Variants in SH3BGRL observed in about 807,000 individuals in gnomAD.
SH3BGRL encodes the protein SH3 domain binding glutamate rich protein like.
Under a neutral mutation model 9.8 loss-of-function variants are expected in SH3BGRL, and 7 were observed. That is an observed-to-expected ratio of 0.72 (90% CI 0.41 to 1.35). The LOEUF (loss-of-function observed/expected upper bound fraction) is 1.35. Among genes scored for constraint, SH3BGRL ranks in the 40% most tolerant of loss-of-function variants. The pLI, the probability that SH3BGRL is intolerant of heterozygous loss-of-function variation, is 0.01. For missense variants in SH3BGRL, 73 were observed against 84.4 expected (o/e 0.86, Z 0.53); for synonymous variants, 36 against 29.1 (o/e 1.24, Z -0.76).
chrX:81,210,601 T>A (rs2075560118), intron 1 of SH3BGRL, among the ~76,000 whole-genome samples: 1 of 111,274 alleles, frequency 9.0e-6, no homozygotes, highest in African/African-American at 3.3e-5. Context: ...GAAGAGAGGC[T>A]CAGAGAACTA....
At chrX:81,215,492 A>G (rs775339312) in intron 1 of SH3BGRL, among the ~76,000 whole-genome samples, 80 of 111,308 alleles carry the variant, frequency 7.2e-4, no homozygotes, top group African/African-American at 2.5e-3. Context: ...GCCAGGAATA[A>G]AGATTTTCTC....
At chrX:81,294,683 G>C (rs1270124226) in intron 3 of SH3BGRL, among the ~76,000 whole-genome samples, 2 of 111,122 alleles carry the variant, frequency 1.8e-5, no homozygotes, top group African/African-American at 6.6e-5. Context: ...GTGAGAAGAG[G>C]GCCACTGTCC....
intron 1 of SH3BGRL, 190 bp downstream of exon 1, chrX:81,202,435 A>G (rs1206192233): frequency 9.9e-7 from 1 of 1,011,561 alleles, no homozygotes; most frequent in African/African-American, 2.1e-5. Flanking sequence ...TTTTCCACAT[A>G]GAGTTCAGCT....
chrX:81,259,073 G>T (rs1197739465), intron 1 of SH3BGRL, among the ~76,000 whole-genome samples: 2 of 112,431 alleles, frequency 1.8e-5, no homozygotes, highest in East Asian at 5.6e-4. Context: ...TGATAGTTTG[G>T]AGTTTGTAGT....
intron 1 of SH3BGRL, among the ~76,000 whole-genome samples, chrX:81,208,688 G>T (rs747051199): frequency 1.3e-4 from 15 of 111,812 alleles, no homozygotes; most frequent in African/African-American, 4.6e-4. Flanking sequence ...CCAGACCAAG[G>T]TTAAACAAAA....
intron 1 of SH3BGRL, among the ~76,000 whole-genome samples, chrX:81,213,635 C>G (rs2075572433): frequency 1.8e-5 from 2 of 110,664 alleles, no homozygotes; most frequent in African/African-American, 6.6e-5. Context: ...ATTAATGGAC[C>G]CGTCAAAAGT....
At chrX:81,223,786 C>T (rs2075608306) in intron 1 of SH3BGRL, among the ~76,000 whole-genome samples, 1 of 111,494 alleles carries the variant, frequency 9.0e-6, no homozygotes, top group Admixed American at 9.5e-5. Flanking sequence ...CTACAGCCTC[C>T]AACTTCTGGG....
At chrX:81,288,414 C>T (rs2075844621) in intron 3 of SH3BGRL, among the ~76,000 whole-genome samples, 1 of 111,846 alleles carries the variant, frequency 8.9e-6, no homozygotes, top group Admixed American at 9.5e-5. Flanking sequence ...TGTTATTTAA[C>T]ATAGTACTGG....
intron 1 of SH3BGRL, among the ~76,000 whole-genome samples, chrX:81,215,017 G>A (rs942787765): frequency 9.0e-6 from 1 of 111,162 alleles, no homozygotes; most frequent in Admixed American, 9.6e-5. Context: ...AAATTGGTAG[G>A]CAGATCACTT....
intron 1 of SH3BGRL, among the ~76,000 whole-genome samples, chrX:81,203,447 A>G (rs1569355174): frequency 8.9e-6 from 1 of 112,015 alleles, no homozygotes; most frequent in African/African-American, 3.3e-5. Flanking sequence ...ATTTAATCTT[A>G]CATTTTTTGA....
At chrX:81,289,709 T>G (rs1422683727) in intron 3 of SH3BGRL, among the ~76,000 whole-genome samples, 1 of 110,512 alleles carries the variant, frequency 9.0e-6, no homozygotes, top group Non-Finnish European at 1.9e-5. Flanking sequence ...AATACAAAAA[T>G]TAGCCGGGAG....
intron 1 of SH3BGRL, among the ~76,000 whole-genome samples, chrX:81,203,430 T>A (rs2147661546): frequency 8.9e-6 from 1 of 112,265 alleles, no homozygotes; most frequent in East Asian, 2.8e-4. Flanking sequence ...TTTTGGAATA[T>A]CAGAAAATTT....
At chrX:81,271,220 C>G (rs929989350) in intron 1 of SH3BGRL, among the ~76,000 whole-genome samples, 5 of 112,077 alleles carry the variant, frequency 4.5e-5, no homozygotes, top group Admixed American at 1.9e-4. Flanking sequence ...AGGCAACACC[C>G]CACTCTGCTT....
At chrX:81,230,387 G>A (rs1400404048) in intron 1 of SH3BGRL, among the ~76,000 whole-genome samples, 1 of 112,057 alleles carries the variant, frequency 8.9e-6, no homozygotes, top group Non-Finnish European at 1.9e-5. Context: ...GAAGTAAGAG[G>A]ACAGAGTTTA....
chrX:81,214,048 C>T (rs1269192894), intron 1 of SH3BGRL, among the ~76,000 whole-genome samples: 1 of 111,985 alleles, frequency 8.9e-6, no homozygotes, highest in African/African-American at 3.2e-5. Flanking sequence ...GTTCACATTT[C>T]GGAGGAGGTG....
chrX:81,254,659 A>C (rs765440271), intron 1 of SH3BGRL, among the ~76,000 whole-genome samples: 5 of 111,531 alleles, frequency 4.5e-5, no homozygotes, highest in Non-Finnish European at 7.5e-5. Context: ...GATGATTACC[A>C]TGTGGACCCA....
At chrX:81,294,704 A>G (rs2075868859) in intron 3 of SH3BGRL, among the ~76,000 whole-genome samples, 1 of 111,344 alleles carries the variant, frequency 9.0e-6, no homozygotes. Context: ...TTCAGACCCC[A>G]GAATGGTAGA....
chrX:81,226,552 A>G (rs2075617767), intron 1 of SH3BGRL, among the ~76,000 whole-genome samples: 1 of 102,774 alleles, frequency 9.7e-6, no homozygotes, highest in South Asian at 4.1e-4. Flanking sequence ...ATATATATAT[A>G]ATTTTTGTTA....
chrX:81,232,590 A>C (rs1375903006), intron 1 of SH3BGRL, among the ~76,000 whole-genome samples: 1 of 109,964 alleles, frequency 9.1e-6, no homozygotes, highest in Non-Finnish European at 1.9e-5. Flanking sequence ...CTCCTTTCTC[A>C]TGCCTTCTCT....
Sources: allele counts gnomAD v4.1 joint callset (sites outside exome capture counted in the v4.1 genomes callset), GRCh38; gene constraint gnomAD v4.1.1; transcripts MANE v1.5; gene names NCBI Gene and HGNC (gene_info 2026-07-23, HGNC 2026-07-21).